Variants in NTNG1 observed in about 807,000 individuals in gnomAD.
NTNG1 encodes netrin-G1.
In NTNG1, 16 loss-of-function variants were observed where a neutral mutation model predicts 54.0. The ratio of observed to expected loss-of-function variants is 0.30; its 90% CI spans 0.20 to 0.45. The LOEUF is 0.45. Among genes scored for constraint, NTNG1 ranks in the 20% least tolerant of loss-of-function variants. The pLI is 1.00. For synonymous variants in NTNG1, 255 were observed against 263.1 expected, an observed-to-expected ratio of 0.97 and a Z score of 0.30; for missense variants, 530 against 678.7, an observed-to-expected ratio of 0.78 and a Z score of 2.43.
chr1:107,188,608 G>T (rs1002430063), intron 2 of NTNG1, among the ~76,000 whole-genome samples: 10 of 152,200 alleles, frequency 6.6e-5, no homozygotes, highest in Non-Finnish European at 1.5e-4. Context: ...TGAGCCTGAA[G>T]AAAACAGCCA....
At chr1:107,428,703 G>T (rs1349293972) in intron 5 of NTNG1, among the ~76,000 whole-genome samples, 3 of 152,018 alleles carry the variant, frequency 2.0e-5, no homozygotes, top group African/African-American at 7.2e-5. Context: ...GCTCTCAAAA[G>T]GCTCTAGTCC....
chr1:107,297,216 C>CATAT (rs755223720), intron 2 of NTNG1, among the ~76,000 whole-genome samples: 103 of 15,492 alleles, frequency 6.6e-3, no homozygotes, highest in African/African-American at 0.012. Flanking sequence ...TATATACCAT[C>CATAT]ATATATATAT....
chr1:107,368,796 T>G (rs1670743643), intron 3 of NTNG1, among the ~76,000 whole-genome samples: 1 of 152,198 alleles, frequency 6.6e-6, no homozygotes, highest in South Asian at 2.1e-4. Context: ...AGTCCAACAC[T>G]AAGACCTTGT....
chr1:107,422,197 T>G (rs1425505485), intron 5 of NTNG1, among the ~76,000 whole-genome samples: 1 of 152,088 alleles, frequency 6.6e-6, no homozygotes, highest in Non-Finnish European at 1.5e-5. Context: ...CAATTAGGTT[T>G]GAAATTTTTG....
At chr1:107,178,794 G>C (rs965885644) in intron 2 of NTNG1, among the ~76,000 whole-genome samples, 1 of 152,184 alleles carries the variant, frequency 6.6e-6, no homozygotes, top group Admixed American at 6.5e-5. Context: ...GTTTCACTAA[G>C]TTAAGCCATG....
chr1:107,165,044 G>T (rs980473618), intron 2 of NTNG1, among the ~76,000 whole-genome samples: 1 of 152,070 alleles, frequency 6.6e-6, no homozygotes. Flanking sequence ...CGGGAAGGGC[G>T]GTTACAGAAC....
At chr1:107,321,151 C>T (rs118107905) in intron 2 of NTNG1, among the ~76,000 whole-genome samples, 1 of 152,130 alleles carries the variant, frequency 6.6e-6, no homozygotes, top group South Asian at 2.1e-4. Context: ...AAGTTGTCAT[C>T]GTGTAACATT....
intron 4 of NTNG1, among the ~76,000 whole-genome samples, chr1:107,406,915 G>A (rs940719328): frequency 1.3e-5 from 2 of 152,044 alleles, no homozygotes; most frequent in Non-Finnish European, 2.9e-5. Flanking sequence ...CCAGACTATT[G>A]GCCACAGCAC....
chr1:107,314,460 A>G (rs1667220118), intron 2 of NTNG1, among the ~76,000 whole-genome samples: 1 of 151,988 alleles, frequency 6.6e-6, no homozygotes, highest in East Asian at 1.9e-4. Context: ...TGAGATACAC[A>G]CCTAGTTAAC....
chr1:107,354,274 G>A lies in NTNG1; in HGVS notation c.887+29352G>A, dbSNP rs1190384475. Among the ~76,000 whole-genome samples, 35 of 151,818 alleles carry A rather than the reference G, an allele frequency of 2.3e-4. 1 individual carries two copies. In the East Asian group the frequency reaches 5.8e-3, roughly 25 times the overall value. On this transcript the variant is annotated intron_variant, in intron 3 of 7. Transcript: ENST00000370068. ...TCATGAGGTCAAGAGTTCAAGACCA[G>A]CCTGGCCAATATGGTGACACCCTGT...
intron 7 of NTNG1, among the ~76,000 whole-genome samples, chr1:107,466,304 T>A (rs1014473708): frequency 9.9e-5 from 15 of 152,208 alleles, no homozygotes; most frequent in African/African-American, 3.4e-4. Context: ...ATTTCAGAAG[T>A]AAAGAGGAAG....
chr1:107,482,686 C>T lies in NTNG1; in HGVS notation c.*1846C>T, dbSNP rs1363026628. 1.3e-5 allele frequency: 2 copies of T among 152,158 alleles called. No individual in the cohort carries two copies. The highest frequency in any genetic ancestry group is 1.3e-4 in the Admixed American group (2 of 15,272). The allele number at this position is 152,158 out of a possible 1,614,324, so 9.4% of individuals were successfully genotyped here. On this transcript the variant is annotated 3_prime_UTR_variant, in exon 8 of 8. Transcript: ENST00000370068. ...CCTATGATAGTGTAAGGTCAGAAAC[C>T]TAGTTCCAGTCTGAATTCTTCACCC...
chr1:107,395,245 G>A lies in NTNG1; in HGVS notation c.979G>A (p.Gly327Arg). ...GCACAACACTACAGGTCCAGACTGT[G>A]GGAAATGCAAGAAGAATTATCAGGG... ...CEHNTTGPDC[G>R]KCKKNYQGRP... Residue 327 changes from glycine (G) to arginine (R), a missense_variant, in exon 4 of 8, where the codon GGG (glycine) becomes AGG (arginine). Gly to Arg is a moderately radical substitution (Grantham distance 125). Coordinates refer to ENST00000370068, the MANE Select transcript of NTNG1 (RefSeq NM_001113226.3). 2 of 1,613,610 alleles carry A rather than the reference G, an allele frequency of 1.2e-6. No homozygotes were observed. The highest frequency in any genetic ancestry group is 1.7e-6 in the Non-Finnish European group (2 of 1,179,650).
At chr1:107,299,291 G>A (rs1203730184) in intron 2 of NTNG1, among the ~76,000 whole-genome samples, 2 of 152,126 alleles carry the variant, frequency 1.3e-5, no homozygotes, top group African/African-American at 4.8e-5. Context: ...ATGCAAATCT[G>A]TACTTAGGTC....
intron 3 of NTNG1, among the ~76,000 whole-genome samples, chr1:107,373,414 GAT>G (rs903787126): frequency 6.6e-6 from 1 of 151,540 alleles, no homozygotes; most frequent in Admixed American, 6.6e-5. Flanking sequence ...ATGTTTTACA[GAT>G]ATATATATAT....
At chr1:107,377,038 T>C (rs1184875634) in intron 3 of NTNG1, among the ~76,000 whole-genome samples, 1 of 152,230 alleles carries the variant, frequency 6.6e-6, no homozygotes, top group African/African-American at 2.4e-5. Context: ...CTGAGCCTGA[T>C]ATGTGTGGCT....
chr1:107,324,957 G>C (rs369580747), intron 3 of NTNG1, 35 bp downstream of exon 3: 1 of 1,562,964 alleles, frequency 6.4e-7, no homozygotes, highest in South Asian at 1.2e-5. Context: ...AATGGGAACG[G>C]GTGTGTCCAA....
intron 4 of NTNG1, among the ~76,000 whole-genome samples, chr1:107,402,999 A>T (rs1227722772): frequency 6.6e-6 from 1 of 152,188 alleles, no homozygotes; most frequent in Admixed American, 6.5e-5. Context: ...GAGTTATGGC[A>T]CTGTATTAAT....
chr1:107,400,977 A>G (rs1672994618), intron 4 of NTNG1, among the ~76,000 whole-genome samples: 1 of 152,120 alleles, frequency 6.6e-6, no homozygotes, highest in Admixed American at 6.5e-5. Context: ...TTGTGAGTGG[A>G]TAAGTAAACC....
Sources: allele counts gnomAD v4.1 joint callset (sites outside exome capture counted in the v4.1 genomes callset), GRCh38; gene constraint gnomAD v4.1.1; transcripts MANE v1.5; gene names NCBI Gene and HGNC (gene_info 2026-07-23, HGNC 2026-07-21).